The following MS4A15 variants were observed in gnomAD, a reference collection of about 807,000 sequenced individuals.
The protein encoded by MS4A15 is membrane spanning 4-domains A15, also known as membrane-spanning 4-domains subfamily A member 15.
MS4A15 carries 22 observed loss-of-function variants against 20.6 expected under a neutral mutation model. The observed-to-expected ratio is 1.07, with a 90% CI of 0.76 to 1.52. MS4A15 has a LOEUF of 1.52. Among genes scored for constraint, MS4A15 ranks in the 40% most tolerant of loss-of-function variants. The pLI is 0.00. For synonymous variants in MS4A15, 129 were observed against 129.3 expected (o/e 1.00, Z 0.02); for missense variants, 312 against 323.0 (o/e 0.97, Z 0.26).
At chr11:60,764,816 G>A (rs1396345220) in intron 2 of MS4A15, among the ~76,000 whole-genome samples, 1 of 152,136 alleles carries the variant, frequency 6.6e-6, no homozygotes, top group Non-Finnish European at 1.5e-5. Context: ...GGCTGAGGCA[G>A]GAGAATTGCT....
chr11:60,770,782 T>C (rs1854014074), intron 3 of MS4A15, among the ~76,000 whole-genome samples: 1 of 149,196 alleles, frequency 6.7e-6, no homozygotes, highest in Non-Finnish European at 1.5e-5. Context: ...CTTGGCTCAC[T>C]GCAACCTCCG....
intron 2 of MS4A15, among the ~76,000 whole-genome samples, chr11:60,766,466 C>T (rs1565071071): frequency 6.6e-6 from 1 of 152,202 alleles, no homozygotes; most frequent in Non-Finnish European, 1.5e-5. Flanking sequence ...CAGCACAGTG[C>T]TTAGCATAGA....
intron 1 of MS4A15, among the ~76,000 whole-genome samples, chr11:60,761,791 G>A (rs116003442): frequency 6.6e-6 from 1 of 152,170 alleles, no homozygotes; most frequent in East Asian, 1.9e-4. Flanking sequence ...ACATAGTTGT[G>A]ATTTGTACTA....
At chr11:60,767,445 A>T (rs1853909680) in intron 2 of MS4A15, 88 bp from the exon 3 acceptor site, 1 of 1,374,386 alleles carries the variant, frequency 7.3e-7, no homozygotes, top group Non-Finnish European at 9.5e-7. Context: ...AAGCGGGAGG[A>T]GGGCGGGGCC....
intron 6 of MS4A15, among the ~76,000 whole-genome samples, chr11:60,774,969 G>A (rs562774084): frequency 6.6e-6 from 1 of 152,196 alleles, no homozygotes; most frequent in Non-Finnish European, 1.5e-5. Context: ...CTGGTGCCAC[G>A]GTGCAGGCAA....
In MS4A15 at chr11:60,773,473, G is replaced by C. The variant is rs747853565; in HGVS notation, c.487G>C (p.Val163Leu). Reference sequence around the variant, plus strand: ...AGCCATTCTGCTCATGGATTTTGGTGTTACCAACCGGGTGCGTTGTCAGAT... The same window carrying C: ...AGCCATTCTGCTCATGGATTTTGGTCTTACCAACCGGGTGCGTTGTCAGAT... Reference protein sequence around the residue: ...GTAILLMDFGVTNRDVDRGYL... With the variant: ...GTAILLMDFGLTNRDVDRGYL... The change falls in exon 5 of 7, where the codon GTT becomes CTT. Residue 163 changes from valine (V) to leucine (L), a missense_variant. By Grantham distance (32) the Val-to-Leu change is conservative. Coordinates refer to ENST00000405633, the MANE Select transcript of MS4A15 (RefSeq NM_001098835.2). 1.5e-5 allele frequency: 24 copies of C among 1,613,928 alleles called. No homozygotes were observed. Among genetic ancestry groups the C allele is most frequent in the Non-Finnish European group, 2.0e-5 (24 of 1,179,934 alleles).
Position 60,771,346 on chromosome 11 carries a change from T to C in MS4A15, c.404T>C (p.Leu135Pro). ...VAAEKNHTSC[L>P]VRSSLGTNIL... ...GCCGAGAAGAACCACACCAGTTGCC[T>C]GGTGAGTGTGAACAGGGGGACCCAG... The change falls in exon 4 of 7, where the codon CTG becomes CCG. Residue 135 changes from leucine to proline, a missense_variant and splice_region_variant. By Grantham distance (98) the Leu-to-Pro change is moderately conservative. Transcript: ENST00000405633. The C allele has an allele frequency of 6.2e-6, 10 of 1,614,070 alleles. No homozygotes were observed. The highest frequency in any genetic ancestry group is 8.5e-6 in the Non-Finnish European group (10 of 1,180,026).
intron 1 of MS4A15, among the ~76,000 whole-genome samples, chr11:60,762,446 C>T (rs575622288): frequency 7.9e-5 from 12 of 152,294 alleles, no homozygotes; most frequent in Admixed American, 3.3e-4. Context: ...CTCAAATTCC[C>T]ACTCTTAAGT....
chr11:60,767,078 C>G (rs1281170243), intron 2 of MS4A15, among the ~76,000 whole-genome samples: 1 of 152,200 alleles, frequency 6.6e-6, no homozygotes, highest in Non-Finnish European at 1.5e-5. Context: ...GAGATTTCAG[C>G]AGGCTGAGAG....
intron 6 of MS4A15, among the ~76,000 whole-genome samples, 195 bp downstream of exon 6, chr11:60,774,145 A>G (rs1854123880): frequency 6.6e-6 from 1 of 152,062 alleles, no homozygotes; most frequent in African/African-American, 2.4e-5. Flanking sequence ...GGGCATGGTG[A>G]CTCACACCCA....
chr11:60,762,782 T>C (rs1180235041), intron 1 of MS4A15, among the ~76,000 whole-genome samples: 1 of 152,178 alleles, frequency 6.6e-6, no homozygotes, highest in African/African-American at 2.4e-5. Flanking sequence ...CTTATGTACA[T>C]GGCATTTGAG....
At chr11:60,775,505 C>T (rs2134735283) in intron 6 of MS4A15, 100 bp from the exon 7 acceptor site, 2 of 897,436 alleles carry the variant, frequency 2.2e-6, no homozygotes, top group East Asian at 2.4e-5. Context: ...GAATTCAGTA[C>T]CAGGGCGCTG....
Position 60,767,656 on chromosome 11 carries a change from G to T in MS4A15, c.348+1G>T, listed in dbSNP as rs1853918659. 3.9e-6 allele frequency: 6 copies of T among 1,548,498 alleles called. No individual in the cohort carries two copies. The highest frequency in any genetic ancestry group is 2.4e-5 in the East Asian group (1 of 41,532). ...CGTCCCCTTCTGGGGAGGAGCCTGC[G>T]TGAGTGCCGGGGCCATGGAGAGGGA... On this transcript the variant is annotated splice_donor_variant, in intron 3 of 6. Coordinates refer to ENST00000405633, the MANE Select transcript of MS4A15 (RefSeq NM_001098835.2). LOFTEE classifies it high-confidence loss of function.
intron 1 of MS4A15, among the ~76,000 whole-genome samples, chr11:60,759,836 T>G (rs1420934369): frequency 2.0e-5 from 3 of 152,106 alleles, no homozygotes; most frequent in African/African-American, 7.2e-5. Flanking sequence ...ATTCCCTTAC[T>G]CACATGTTTT....
rs1853661884 is a variant in MS4A15 at position 60,759,060 on chromosome 11, C to T, written c.-29+2002C>T. Among the ~76,000 whole-genome samples the T allele has an allele frequency of 2.0e-5, 3 of 152,232 alleles. No individual in the cohort carries two copies. In the South Asian group the frequency reaches 6.2e-4, roughly 32 times the overall value. On this transcript the variant is annotated intron_variant, in intron 1 of 6. Transcript: ENST00000405633. ...TGTGAAGGGCATTACTAATGAACCC[C>T]TACTAGCTTTGTTTCTTGCAGCGTA...
In MS4A15 at chr11:60,767,596, C is replaced by T. The variant is rs548280243; in HGVS notation, c.289C>T (p.Arg97Cys). ...GFGSVLLMVR[R>C]GHVGIFFIEG... is the part of the protein sequence containing the mutation. ...TGGCAGCGTGCTGCTCATGGTTCGC[C>T]GCGGCCACGTGGGCATCTTCTTCAT... The change falls in exon 3 of 7, where the codon CGC becomes TGC. Residue 97 changes from arginine to cysteine, a missense_variant. Arg to Cys is a radical substitution (Grantham distance 180). Transcript: ENST00000405633. 2.6e-6 allele frequency: 4 copies of T among 1,557,202 alleles called. No homozygotes were observed. Among genetic ancestry groups the T allele is most frequent in the Admixed American group, 2.0e-5 (1 of 51,128 alleles).
intron 1 of MS4A15, among the ~76,000 whole-genome samples, chr11:60,761,653 A>G (rs1853742576): frequency 6.6e-6 from 1 of 152,194 alleles, no homozygotes; most frequent in Non-Finnish European, 1.5e-5. Flanking sequence ...AAGGGAAACA[A>G]GCTTTAAGCC....
intron 1 of MS4A15, among the ~76,000 whole-genome samples, chr11:60,761,032 G>A (rs1302888925): frequency 6.6e-6 from 1 of 152,196 alleles, no homozygotes. Context: ...CCTTTGCCAA[G>A]TGGGATCACC....
At chr11:60,767,439 G>A (rs1429358164) in intron 2 of MS4A15, 94 bp from the exon 3 acceptor site, 3 of 1,356,210 alleles carry the variant, frequency 2.2e-6, no homozygotes, top group East Asian at 2.9e-5. Flanking sequence ...GCCAACAAGC[G>A]GGAGGAGGGC....
Sources: gnomAD v4.1 joint callset for allele counts (sites outside exome capture counted in the v4.1 genomes callset) on GRCh38, gnomAD v4.1.1 for gene constraint, MANE v1.5 for transcripts, NCBI Gene and HGNC (gene_info 2026-07-23, HGNC 2026-07-21) for gene names.